ABCC12: variants seen among roughly 807,000 people sequenced by gnomAD.
ABCC12 encodes ATP binding cassette subfamily C member 12.
In ABCC12, 142 loss-of-function variants were observed where a neutral mutation model predicts 151.1. The ratio of observed to expected loss-of-function variants is 0.94; its 90% CI spans 0.82 to 1.08. The LOEUF (loss-of-function observed/expected upper bound fraction) is 1.08, where lower values mean the gene tolerates loss of function less well. ABCC12 is among the 50% of genes least tolerant of loss of function. The pLI is 0.00. For missense variants in ABCC12, 1,638 were observed against 1,691.1 expected, an observed-to-expected ratio of 0.97 and a Z score of 0.55; for synonymous variants, 645 against 646.4, an observed-to-expected ratio of 1.00 and a Z score of 0.03.
At chr16:48,097,426 A>G (rs1398078775) in intron 23 of ABCC12, among the ~76,000 whole-genome samples, 5 of 152,192 alleles carry the variant, frequency 3.3e-5, no homozygotes, top group African/African-American at 4.8e-5. Flanking sequence ...CCCTCCCTGA[A>G]TCAGAGAAAG....
intron 9 of ABCC12, among the ~76,000 whole-genome samples, chr16:48,132,700 C>T (rs1964469143): frequency 6.6e-6 from 1 of 152,196 alleles, no homozygotes; most frequent in South Asian, 2.1e-4. Context: ...CATCCCAGTT[C>T]TCCCTCTAAG....
At chr16:48,118,288 G>A (rs907682622) in intron 13 of ABCC12, among the ~76,000 whole-genome samples, 4 of 152,122 alleles carry the variant, frequency 2.6e-5, no homozygotes, top group East Asian at 1.9e-4. Flanking sequence ...CTCCTCCCTC[G>A]GTTTTCTCTG....
chr16:48,127,701 G>A (rs759558849), intron 11 of ABCC12, among the ~76,000 whole-genome samples: 39 of 152,032 alleles, frequency 2.6e-4, no homozygotes, highest in Non-Finnish European at 4.3e-4. Flanking sequence ...TTATGTACCT[G>A]GTAAATAGTA....
chr16:48,149,733 T>C (rs1219517024), intron 2 of ABCC12, among the ~76,000 whole-genome samples: 1 of 152,174 alleles, frequency 6.6e-6, no homozygotes, highest in Non-Finnish European at 1.5e-5. Flanking sequence ...GCAGAATTTA[T>C]AAAGAATTCT....
intron 15 of ABCC12, among the ~76,000 whole-genome samples, chr16:48,114,615 A>G (rs1386018790): frequency 6.6e-6 from 1 of 152,156 alleles, no homozygotes; most frequent in Non-Finnish European, 1.5e-5. Context: ...TGCACGCATG[A>G]ACACACACGT....
Position 48,086,724 on chromosome 16 carries a change from C to T in ABCC12, c.3714+17G>A, listed in dbSNP as rs1419640048. On this transcript the variant is annotated intron_variant, in intron 28 of 30. Coordinates refer to ENST00000311303, the MANE Select transcript of ABCC12 (RefSeq NM_001393797.1). ...TGCTGGGAAACAAACTCCTCCTCAA[C>T]AGCCCCAGAGACCTACTGTGTCTCT... The T allele has an allele frequency of 1.2e-6, 2 of 1,606,464 alleles. No homozygotes were observed. The highest frequency in any genetic ancestry group is 8.5e-7 in the Non-Finnish European group (1 of 1,173,402).
chr16:48,126,179 G>A (rs1287911450), intron 11 of ABCC12, among the ~76,000 whole-genome samples: 1 of 152,122 alleles, frequency 6.6e-6, no homozygotes, highest in African/African-American at 2.4e-5. Context: ...TCCCCTAAAA[G>A]GACTTCAATG....
intron 30 of ABCC12, 52 bp downstream of exon 30, chr16:48,083,857 G>A: frequency 6.2e-7 from 1 of 1,613,642 alleles, no homozygotes; most frequent in Non-Finnish European, 8.5e-7. Context: ...CCACTGTAAA[G>A]CTCAAACCAC....
At position 48,082,979 on chromosome 16, in the gene ABCC12, C is replaced by T. The variant is rs1962407065; in HGVS notation, c.*736G>A. On this transcript the variant is annotated 3_prime_UTR_variant, in exon 31 of 31. Transcript: ENST00000311303. ...ATTACTGAGTGAAGGGAGAAGGCAACAAGGGTCTATTGGAGGAAATAGTAT... is the reference window on the plus strand; with the variant it reads ...ATTACTGAGTGAAGGGAGAAGGCAATAAGGGTCTATTGGAGGAAATAGTAT... The T allele has an allele frequency of 1.3e-5, 2 of 152,038 alleles. No individual in the cohort carries two copies. The highest frequency in any genetic ancestry group is 1.3e-4 in the Admixed American group (2 of 15,270). 9.4% of individuals were successfully genotyped at this position (152,038 alleles called of 1,614,324 possible). A position where few individuals can be genotyped will look rare whatever the true frequency, so the allele number is the denominator to read the frequency against.
In ABCC12 at chr16:48,144,029, G is replaced by T. The variant is rs368700191; in HGVS notation, c.156C>A (p.Leu52=). Residue 52 remains leucine, a synonymous_variant, in exon 4 of 31, where the codon CTC becomes CTA. Coordinates refer to ENST00000311303, the MANE Select transcript of ABCC12 (RefSeq NM_001393797.1). ...TGAGCCAGGAAAATGTGGCGAAGGA[G>T]AGTAGCCCGGCATCATCCACCGGGT... The part of the protein sequence containing the change: ...APNPVDDAGL[L]SFATFSWLTP... 6 of 1,614,008 alleles carry T rather than the reference G, an allele frequency of 3.7e-6. No homozygotes were observed. Among genetic ancestry groups the T allele is most frequent in the Non-Finnish European group, 5.1e-6 (6 of 1,180,006 alleles).
chr16:48,116,002 A>T (rs1045167599), intron 14 of ABCC12, among the ~76,000 whole-genome samples: 1 of 152,178 alleles, frequency 6.6e-6, no homozygotes, highest in Non-Finnish European at 1.5e-5. Flanking sequence ...AACCAGAGGG[A>T]AACGTGGCTG....
intron 29 of ABCC12, among the ~76,000 whole-genome samples, chr16:48,084,529 G>A (rs1443179982): frequency 6.6e-6 from 1 of 152,222 alleles, no homozygotes; most frequent in Non-Finnish European, 1.5e-5. Flanking sequence ...TCAAGGTATT[G>A]TCAGGGCTGC....
intron 11 of ABCC12, 117 bp from the exon 12 acceptor site, chr16:48,124,401 T>TGCAG (rs1341598017): frequency 3.1e-6 from 3 of 962,994 alleles, no homozygotes; most frequent in African/African-American, 3.2e-5. Flanking sequence ...AAGGGGTCAC[T>TGCAG]GCAGGCTCTG....
Position 48,083,805 on chromosome 16 carries a change from A to C in ABCC12, c.3994-4T>G. On this transcript the variant is annotated splice_region_variant and splice_polypyrimidine_tract_variant and intron_variant, in intron 30 of 30. Coordinates refer to ENST00000311303, the MANE Select transcript of ABCC12 (RefSeq NM_001393797.1). ...CAGGCTTGTCAAACTCAATCACCTG[A>C]AAGTCAGAGAAGAAGAACTGAAATC... 6.2e-7 allele frequency: 1 copy of C among 1,614,200 alleles called. No individual in the cohort carries two copies. The highest frequency in any genetic ancestry group is 8.5e-7 in the Non-Finnish European group (1 of 1,180,032).
At chr16:48,155,134 G>A (rs1407416282) in intron 1 of ABCC12, among the ~76,000 whole-genome samples, 18 of 152,188 alleles carry the variant, frequency 1.2e-4, no homozygotes, top group Admixed American at 7.8e-4. Flanking sequence ...GCAGAGAGGT[G>A]GCAGAGGGAA....
At chr16:48,148,392 A>G (rs1320455693) in intron 2 of ABCC12, among the ~76,000 whole-genome samples, 39 of 151,818 alleles carry the variant, frequency 2.6e-4, no homozygotes, top group Admixed American at 2.6e-3. Flanking sequence ...GTGCACCACC[A>G]TGTCCAGCTA....
chr16:48,118,396 C>A (rs890548904), intron 13 of ABCC12, among the ~76,000 whole-genome samples: 1 of 152,252 alleles, frequency 6.6e-6, no homozygotes, highest in Admixed American at 6.5e-5. Context: ...AACTCCTGCT[C>A]AGGATGCCTG....
intron 24 of ABCC12, among the ~76,000 whole-genome samples, chr16:48,096,224 C>G (rs1315612365): frequency 6.6e-6 from 1 of 152,224 alleles, no homozygotes; most frequent in African/African-American, 2.4e-5. Flanking sequence ...GTCTCCCCAG[C>G]ATTCATTTCA....
At chr16:48,085,738 T>C (rs759000519) in intron 28 of ABCC12, 32 bp from the exon 29 acceptor site, 5 of 1,547,588 alleles carry the variant, frequency 3.2e-6, no homozygotes, top group Non-Finnish European at 3.6e-6. Flanking sequence ...ACATTTGTGC[T>C]GATGATCTAT....
Sources: gnomAD v4.1 joint callset for allele counts (sites outside exome capture counted in the v4.1 genomes callset) on GRCh38, gnomAD v4.1.1 for gene constraint, MANE v1.5 for transcripts, NCBI Gene and HGNC (gene_info 2026-07-23, HGNC 2026-07-21) for gene names.